The following TRIM3 variants were observed in gnomAD, a reference collection of about 807,000 sequenced individuals.
TRIM3 encodes the protein tripartite motif-containing protein 3.
Under a neutral mutation model 66.6 loss-of-function variants are expected in TRIM3, and 13 were observed. The ratio of observed to expected loss-of-function variants is 0.20; its 90% confidence interval spans 0.13 to 0.31. The LOEUF (loss-of-function observed/expected upper bound fraction) is 0.31, where lower values mean the gene tolerates loss of function less well. Among genes scored for constraint, TRIM3 ranks in the 10% least tolerant of loss-of-function variants. The pLI is 1.00. For missense variants in TRIM3, 711 were observed against 1,020.4 expected, an observed-to-expected ratio of 0.70 and a Z score of 4.13; for synonymous variants, 406 against 411.7, an observed-to-expected ratio of 0.99 and a Z score of 0.17.
At chr11:6,465,456 C>A in intron 2 of TRIM3, 109 bp downstream of exon 2, 1 of 1,390,720 alleles carries the variant, frequency 7.2e-7, no homozygotes, top group South Asian at 1.3e-5. Flanking sequence ...AGCATGTTGC[C>A]TCACCTACTA....
Position 6,458,456 on chromosome 11 carries a change from A to C in TRIM3, c.132-160T>G. 1.6e-6 allele frequency: 1 copy of C among 636,992 alleles called. No homozygotes were observed. The allele number at this position is 636,992 out of a possible 1,614,324, so 39.5% of individuals were successfully genotyped here. On this transcript the variant is annotated intron_variant, in intron 2 of 11. Transcript: ENST00000345851. This position sits in a 1 kb window ranked among gnomAD's most constrained non-coding sequence, Gnocchi z 6.2. ...ACACATCTCATCTGCCAGCAGGTAT[A>C]ATGGCCTTGCCCCTTACAACTGAGT... is the stretch of plus-strand genomic sequence containing the variant.
chr11:6,463,930 A>G (rs1468167911), intron 2 of TRIM3, among the ~76,000 whole-genome samples: 1 of 152,234 alleles, frequency 6.6e-6, no homozygotes, highest in Non-Finnish European at 1.5e-5. Context: ...GTGGAGCTGG[A>G]ATCTCAAAGA....
At chr11:6,463,477 A>G (rs1249578687) in intron 2 of TRIM3, among the ~76,000 whole-genome samples, 1 of 152,202 alleles carries the variant, frequency 6.6e-6, no homozygotes. Context: ...ATCCAATTTC[A>G]GCTCTGATCC....
At position 6,468,577 on chromosome 11, in the gene TRIM3, A is replaced by G. The variant is rs528235329; in HGVS notation, c.-37-2845T>C. On this transcript the variant is annotated intron_variant, in intron 1 of 11. Coordinates refer to ENST00000345851, the MANE Select transcript of TRIM3 (RefSeq NM_033278.4). ...ATGTGAAACCAAAGAAATCAACAGA[A>G]CAGTGCAAGAAAAAGAAGGGGTGAA... Among the ~76,000 whole-genome samples, 9 of 152,346 alleles carry G rather than the reference A, an allele frequency of 5.9e-5. No individual in the cohort carries two copies. In the South Asian group the frequency reaches 1.9e-3, roughly 32 times the overall value.
rs373824947 is a variant in TRIM3 at position 6,456,659 on chromosome 11, C to T, written c.1067G>A (p.Arg356His). The change falls in exon 6 of 12, where the codon CGC (arginine) becomes CAC (histidine). Residue 356 changes from arginine to histidine, a missense_variant. Arg to His is a conservative substitution (Grantham distance 29). Transcript: ENST00000345851. The surrounding 1 kb of genome is among the most constrained non-coding windows in gnomAD (Gnocchi z 6.4). ...TTKDKDGRLV[R>H]TGSAELRAEI... ...TGCACGCAGCTCAGCGCTGCCTGTGCGCACCAACCGCCCGTCCTTGTCTTT... is the reference window on the plus strand; with the variant it reads ...TGCACGCAGCTCAGCGCTGCCTGTGTGCACCAACCGCCCGTCCTTGTCTTT... 3 of 1,607,730 alleles carry T rather than the reference C, an allele frequency of 1.9e-6. No homozygotes were observed. Among genetic ancestry groups the T allele is most frequent in the Non-Finnish European group, 2.5e-6 (3 of 1,176,704 alleles).
At position 6,457,778 on chromosome 11, in the gene TRIM3, C is replaced by T. The variant is rs1850061983; in HGVS notation, c.433G>A (p.Glu145Lys). 1.9e-6 allele frequency: 3 copies of T among 1,614,230 alleles called. No homozygotes were observed. The highest frequency in any genetic ancestry group is 2.5e-6 in the Non-Finnish European group (3 of 1,180,034). ...TCCCTCAGCAGCACTGTGCCATGCT[C>T]ACGATGCTCCCCGGCGCGGCACTCA... ...CGECRAGEHREHGTVLLRDVV... is the reference protein window; with the variant it reads ...CGECRAGEHRKHGTVLLRDVV... Residue 145 changes from glutamate (E) to lysine (K), a missense_variant, in exon 4 of 12, where the codon GAG (glutamate) becomes AAG (lysine). Physicochemically the swap from Glu to Lys is moderately conservative, Grantham distance 56. Around this residue, in one of 3 missense-constraint regions of TRIM3, gnomAD observed 149 missense variants for 240.3 expected, o/e 0.62. Transcript: ENST00000345851. The surrounding 1 kb of genome is among the most constrained non-coding windows in gnomAD (Gnocchi z 4.5).
chr11:6,472,221 C>T (rs966113124), intron 1 of TRIM3, among the ~76,000 whole-genome samples: 1 of 152,160 alleles, frequency 6.6e-6, no homozygotes, highest in African/African-American at 2.4e-5. Flanking sequence ...CAACCCCATT[C>T]CCTTATTTGT....
rs535647902 is a variant in TRIM3, at chr11:6,470,235, A to G, written c.-38+3556T>C. Among the ~76,000 whole-genome samples, 8 of 152,304 alleles carry G rather than the reference A, an allele frequency of 5.3e-5. No homozygotes were observed. The East Asian group carries it at 5.8e-4, about 11-fold the overall frequency. The stretch of plus-strand genomic sequence containing the variant: ...AGAATAGCAAAGACAGGCCAAGATA[A>G]ATCAATTTTGCAGGGGGATATCAAC... On this transcript the variant is annotated intron_variant, in intron 1 of 11. Transcript: ENST00000345851.
chr11:6,473,546 C>G (rs923024367), intron 1 of TRIM3, among the ~76,000 whole-genome samples: 6 of 152,096 alleles, frequency 3.9e-5, no homozygotes, highest in African/African-American at 1.4e-4. Flanking sequence ...TCCCAAACCC[C>G]GCGCTCCCCT....
At position 6,462,204 on chromosome 11, in the gene TRIM3, T is replaced by A. The variant is rs1850274349; in HGVS notation, c.131+3361A>T. On this transcript the variant is annotated intron_variant, in intron 2 of 11. Coordinates refer to ENST00000345851, the MANE Select transcript of TRIM3 (RefSeq NM_033278.4). ...ACACCCCTACTTCTCTCTGTTTATA[T>A]CCTGTAAAACATTAATACAAGCTGC... Among the ~76,000 whole-genome samples, 4 of 149,272 alleles carry A rather than the reference T, an allele frequency of 2.7e-5. No individual in the cohort carries two copies. The Admixed American group carries it at 2.7e-4, about 10-fold the overall frequency.
intron 2 of TRIM3, among the ~76,000 whole-genome samples, chr11:6,464,880 C>T (rs1352112766): frequency 2.0e-5 from 3 of 148,120 alleles, no homozygotes; most frequent in South Asian, 2.1e-4. Flanking sequence ...CCAGCTACTC[C>T]GGAGGCTGAG....
At chr11:6,462,702 G>A (rs1234023361) in intron 2 of TRIM3, among the ~76,000 whole-genome samples, 1 of 152,044 alleles carries the variant, frequency 6.6e-6, no homozygotes, top group Non-Finnish European at 1.5e-5. Flanking sequence ...ATGAGCAACT[G>A]CACCTGGCCA....
intron 7 of TRIM3, chr11:6,451,643 G>A (rs970328198): frequency 1.7e-6 from 1 of 584,872 alleles, no homozygotes; most frequent in African/African-American, 1.9e-5. Flanking sequence ...AACATGAAGG[G>A]ATGAAGGGGA....
rs1462419275 is a variant in TRIM3, at chr11:6,450,466, A to G, written c.1941+85T>C. 5.9e-6 allele frequency: 7 copies of G among 1,193,268 alleles called. No homozygotes were observed. Among genetic ancestry groups the G allele is most frequent in the Non-Finnish European group, 8.8e-6 (7 of 798,932 alleles). The allele number at this position is 1,193,268 out of a possible 1,614,324, so 73.9% of individuals were successfully genotyped here. On this transcript the variant is annotated intron_variant, in intron 10 of 11. Coordinates refer to ENST00000345851, the MANE Select transcript of TRIM3 (RefSeq NM_033278.4). This position sits in a 1 kb window ranked among gnomAD's most constrained non-coding sequence, Gnocchi z 4.8. ...TTTGAGTGAATGATCTCAAAGGGGA[A>G]AAGGAGGAGGTAAAATAGAGAGGAG...
At chr11:6,453,376 C>T (rs1211649859) in intron 7 of TRIM3, 1 of 152,210 alleles carries the variant, frequency 6.6e-6, no homozygotes, top group Non-Finnish European at 1.5e-5. Flanking sequence ...ATTCTTGCTT[C>T]CTTAATATCT....
At chr11:6,462,280 C>A (rs2723663) in intron 2 of TRIM3, among the ~76,000 whole-genome samples, 87,416 of 152,148 alleles carry the variant, frequency 0.57, 27,196 homozygotes, top group African/African-American at 0.81. Flanking sequence ...ACTAGAACAT[C>A]CTCTGAGAGC....
chr11:6,457,652 C>A lies in TRIM3; in HGVS notation c.515+44G>T. 2 of 1,591,648 alleles carry A rather than the reference C, an allele frequency of 1.3e-6. No homozygotes were observed. The highest frequency in any genetic ancestry group is 1.7e-6 in the Non-Finnish European group (2 of 1,165,536). On this transcript the variant is annotated intron_variant, in intron 4 of 11. Transcript: ENST00000345851. The surrounding 1 kb of genome is among the most constrained non-coding windows in gnomAD (Gnocchi z 4.5). ...CCCCTCCCCGCCCGAGCTAAGACACCATCCCTGTGGCCCCACCAGCCCAGG... is the reference window on the plus strand; with the variant it reads ...CCCCTCCCCGCCCGAGCTAAGACACAATCCCTGTGGCCCCACCAGCCCAGG...
chr11:6,461,476 A>C (rs1217622401), intron 2 of TRIM3, among the ~76,000 whole-genome samples: 78 of 134,514 alleles, frequency 5.8e-4, no homozygotes, highest in Admixed American at 7.4e-4. Flanking sequence ...TTCTTCCATT[A>C]CCCCCCGCAC....
intron 1 of TRIM3, among the ~76,000 whole-genome samples, chr11:6,471,534 A>C (rs576706047): frequency 6.6e-6 from 1 of 152,224 alleles, no homozygotes; most frequent in Non-Finnish European, 1.5e-5. Flanking sequence ...GAACCATTCA[A>C]TCAAACTTCT....
Sources: gnomAD v4.1 joint callset for allele counts (sites outside exome capture counted in the v4.1 genomes callset) on GRCh38, gnomAD v4.1.1 for gene constraint, gnomAD v4.1.1 regional missense constraint, Gnocchi (gnomAD v3.1) non-coding constraint, MANE v1.5 for transcripts, NCBI Gene and HGNC (gene_info 2026-07-23, HGNC 2026-07-21) for gene names.